The following XKR4 variants were observed in gnomAD, a reference collection of about 807,000 sequenced individuals.
XKR4 encodes the protein XK-related protein 4.
XKR4 carries 12 observed loss-of-function variants against 53.9 expected under a neutral mutation model. That is an observed-to-expected ratio of 0.22 (90% CI 0.14 to 0.36). XKR4 has a LOEUF of 0.36. Ranked by LOEUF, XKR4 falls within the 10% of genes least tolerant of loss-of-function variation. XKR4 has a pLI of 1.00. For missense variants in XKR4, 799 were observed against 859.5 expected, an observed-to-expected ratio of 0.93 and a Z score of 0.88; for synonymous variants, 354 against 362.4, an observed-to-expected ratio of 0.98 and a Z score of 0.26.
At chr8:55,495,593 G>A (rs563503141) in intron 2 of XKR4, among the ~76,000 whole-genome samples, 236 of 152,316 alleles carry the variant, frequency 1.5e-3, no homozygotes, top group African/African-American at 5.4e-3. Context: ...GCCTCCCAGG[G>A]GTGGATTTGA....
intron 2 of XKR4, among the ~76,000 whole-genome samples, chr8:55,416,228 G>A (rs992929227): frequency 2.0e-5 from 3 of 152,238 alleles, no homozygotes; most frequent in African/African-American, 7.2e-5. Flanking sequence ...TAAAGCTACA[G>A]AGTATGGAAA....
At chr8:55,326,951 A>G (rs1326335464) in intron 1 of XKR4, among the ~76,000 whole-genome samples, 1 of 151,984 alleles carries the variant, frequency 6.6e-6, no homozygotes, top group Non-Finnish European at 1.5e-5. Flanking sequence ...ATTTTGAGGG[A>G]CAATGAGGAA....
At chr8:55,168,045 AT>A (rs1817094679) in intron 1 of XKR4, among the ~76,000 whole-genome samples, 1 of 152,238 alleles carries the variant, frequency 6.6e-6, no homozygotes, top group Non-Finnish European at 1.5e-5. Flanking sequence ...TTATGGTAGA[AT>A]AAAATACAAC....
chr8:55,340,705 G>A (rs945003622), intron 1 of XKR4, among the ~76,000 whole-genome samples: 4 of 152,214 alleles, frequency 2.6e-5, no homozygotes, highest in Non-Finnish European at 5.9e-5. Context: ...CATTCCGAGT[G>A]AGTTCAGTAG....
At chr8:55,423,943 G>A (rs1804973273) in intron 2 of XKR4, among the ~76,000 whole-genome samples, 1 of 152,178 alleles carries the variant, frequency 6.6e-6, no homozygotes, top group South Asian at 2.1e-4. Flanking sequence ...AAAGACAAGA[G>A]GTGTTAGTTT....
At chr8:55,403,673 C>G (rs1451680785) in intron 2 of XKR4, among the ~76,000 whole-genome samples, 3 of 152,212 alleles carry the variant, frequency 2.0e-5, no homozygotes, top group South Asian at 4.1e-4. Flanking sequence ...CCTGTCGATA[C>G]AGTTTAACCT....
intron 1 of XKR4, among the ~76,000 whole-genome samples, chr8:55,243,285 G>A (rs1205810089): frequency 2.6e-5 from 4 of 152,154 alleles, no homozygotes; most frequent in Non-Finnish European, 5.9e-5. Flanking sequence ...ATCCACCATT[G>A]TAGTATCTTA....
chr8:55,397,061 C>T (rs1036949574), intron 2 of XKR4, among the ~76,000 whole-genome samples: 1 of 152,184 alleles, frequency 6.6e-6, no homozygotes. Flanking sequence ...AGTATTTCTC[C>T]ACATTTTCTC....
At chr8:55,423,058 C>A (rs1804959182) in intron 2 of XKR4, among the ~76,000 whole-genome samples, 1 of 151,844 alleles carries the variant, frequency 6.6e-6, no homozygotes, top group Non-Finnish European at 1.5e-5. Flanking sequence ...AAATCAACAA[C>A]AACACACATC....
intron 2 of XKR4, among the ~76,000 whole-genome samples, chr8:55,424,241 T>C (rs534127018): frequency 2.0e-5 from 3 of 152,220 alleles, no homozygotes; most frequent in Non-Finnish European, 2.9e-5. Flanking sequence ...CCAAAAGTCA[T>C]ATTTACATCC....
intron 1 of XKR4, among the ~76,000 whole-genome samples, chr8:55,344,266 G>A (rs1303278382): frequency 6.6e-6 from 1 of 152,168 alleles, no homozygotes; most frequent in Admixed American, 6.5e-5. Flanking sequence ...GCAGTAAAAT[G>A]CTATAAGGTA....
chr8:55,202,867 C>A (rs1817593165), intron 1 of XKR4, among the ~76,000 whole-genome samples: 1 of 152,228 alleles, frequency 6.6e-6, no homozygotes, highest in East Asian at 1.9e-4. Flanking sequence ...ATGGAGATTT[C>A]CAAGCTCATT....
chr8:55,111,534 A>G (rs1397449145), intron 1 of XKR4, among the ~76,000 whole-genome samples: 1 of 152,182 alleles, frequency 6.6e-6, no homozygotes, highest in Non-Finnish European at 1.5e-5. Flanking sequence ...ATACATAGAG[A>G]GTCTTAAGCG....
chr8:55,232,485 G>C (rs752855914), intron 1 of XKR4, among the ~76,000 whole-genome samples: 4 of 152,168 alleles, frequency 2.6e-5, no homozygotes, highest in Non-Finnish European at 4.4e-5. Context: ...ATATCAAAGA[G>C]ACAGAAGAAA....
intron 1 of XKR4, among the ~76,000 whole-genome samples, chr8:55,122,459 A>C (rs1042930546): frequency 6.6e-6 from 1 of 152,238 alleles, no homozygotes. Flanking sequence ...TAAATTAATT[A>C]AACATAATCA....
At chr8:55,192,302 A>G (rs1043374499) in intron 1 of XKR4, among the ~76,000 whole-genome samples, 3 of 150,962 alleles carry the variant, frequency 2.0e-5, no homozygotes, top group African/African-American at 7.3e-5. Context: ...CTTGGAGCAT[A>G]AAACTACTAA....
chr8:55,241,722 A>C (rs890325841), intron 1 of XKR4, among the ~76,000 whole-genome samples: 2 of 152,198 alleles, frequency 1.3e-5, no homozygotes, highest in African/African-American at 4.8e-5. Flanking sequence ...TGTGATGTGA[A>C]TACCTTTCCT....
At chr8:55,392,105 A>G (rs1585552610) in intron 2 of XKR4, among the ~76,000 whole-genome samples, 1 of 152,250 alleles carries the variant, frequency 6.6e-6, no homozygotes, top group Admixed American at 6.5e-5. Context: ...TTAACTTGTC[A>G]GGATGAGCTC....
At chr8:55,253,959 G>A (rs765383525) in intron 1 of XKR4, among the ~76,000 whole-genome samples, 4 of 151,810 alleles carry the variant, frequency 2.6e-5, no homozygotes, top group African/African-American at 9.7e-5. Context: ...GAGTGTAAGC[G>A]CTTCACCTGC....
Sources: allele counts gnomAD v4.1 joint callset (sites outside exome capture counted in the v4.1 genomes callset), GRCh38; gene constraint gnomAD v4.1.1; transcripts MANE v1.5; gene names NCBI Gene and HGNC (gene_info 2026-07-23, HGNC 2026-07-21).